Variants in UTRN observed in about 807,000 individuals in gnomAD.
The protein encoded by UTRN is dystrophin-related protein 1.
Under a neutral mutation model 463.9 loss-of-function variants are expected in UTRN, and 283 were observed. That is an observed-to-expected ratio of 0.61 (90% CI 0.55 to 0.67). The LOEUF is 0.67. UTRN is among the 30% of genes least tolerant of loss of function. UTRN has a pLI of 0.00. For synonymous variants in UTRN, 1,442 were observed against 1,431.5 expected (o/e 1.01, Z -0.17); for missense variants, 3,922 against 4,084.3 (o/e 0.96, Z 1.08).
intron 41 of UTRN, among the ~76,000 whole-genome samples, chr6:144,527,044 C>T (rs149019421): frequency 0.031 from 4,773 of 152,106 alleles, 97 homozygotes; most frequent in Non-Finnish European, 0.046. Flanking sequence ...AGGTGATCCA[C>T]CTGCCTCAGC....
intron 51 of UTRN, among the ~76,000 whole-genome samples, chr6:144,618,143 A>G (rs1420025845): frequency 6.6e-6 from 1 of 152,194 alleles, no homozygotes; most frequent in Non-Finnish European, 1.5e-5. Flanking sequence ...GAGACCATTC[A>G]GAGAAGCCAT....
Position 144,782,124 on chromosome 6 carries a change from G to A in UTRN, c.8834+1G>A, listed in dbSNP as rs1775885552. On this transcript the variant is annotated splice_donor_variant, in intron 61 of 74. Transcript: ENST00000367545. LOFTEE classifies it high-confidence loss of function. ...ATTGGTTGCTCAATGTCTATGACAC[G>A]TAAGTTTATATTTTTTCTCATTAAA... The A allele has an allele frequency of 1.9e-6, 3 of 1,577,268 alleles. No homozygotes were observed. The highest frequency in any genetic ancestry group is 2.6e-6 in the Non-Finnish European group (3 of 1,155,178).
At chr6:144,486,766 C>T (rs992904739) in intron 28 of UTRN, among the ~76,000 whole-genome samples, 10 of 152,262 alleles carry the variant, frequency 6.6e-5, no homozygotes, top group Middle Eastern at 6.8e-3. Context: ...GTGATCCACC[C>T]GCTTCGGCCT....
chr6:144,453,720 A>C, intron 18 of UTRN, 62 bp from the exon 19 acceptor site: 1 of 1,456,990 alleles, frequency 6.9e-7, no homozygotes, highest in Non-Finnish European at 9.4e-7. Flanking sequence ...AAACATTTAA[A>C]ACAGCAACAT....
At chr6:144,344,376 T>C in intron 2 of UTRN, 1 of 1,297,486 alleles carries the variant, frequency 7.7e-7, no homozygotes, top group Non-Finnish European at 1.0e-6. Flanking sequence ...GACAGGGTTC[T>C]TTCATTCAGT....
In UTRN at chr6:144,728,195, T is replaced by A. The variant is rs147424237; in HGVS notation, c.7810-2162T>A. ...TCTTGACCACTAAAATTAAAAAAAA[T>A]AATTTTGCTATATTACCTGCTGGTT... is the stretch of plus-strand genomic sequence containing the variant. On this transcript the variant is annotated intron_variant, in intron 53 of 74. Transcript: ENST00000367545. 5.8e-3 allele frequency among the ~76,000 whole-genome samples: 886 copies of A among 151,716 alleles called. 6 individuals are homozygous for A. The highest frequency in any genetic ancestry group is 0.02 in the African/African-American group (840 of 41,372).
intron 2 of UTRN, among the ~76,000 whole-genome samples, chr6:144,351,804 T>C (rs1184388676): frequency 2.0e-5 from 3 of 152,228 alleles, no homozygotes; most frequent in Non-Finnish European, 2.9e-5. Flanking sequence ...AAGGCTGGGC[T>C]GTGTGGCACT....
chr6:144,539,155 G>A, intron 44 of UTRN, 139 bp from the exon 45 acceptor site: 1 of 974,800 alleles, frequency 1.0e-6, no homozygotes, highest in Non-Finnish European at 1.4e-6. Context: ...ATGAGCTTAA[G>A]CTTCTTATAA....
chr6:144,667,024 T>TTCCTCCTCCTCC (rs58206153), intron 51 of UTRN, among the ~76,000 whole-genome samples: 1 of 151,276 alleles, frequency 6.6e-6, no homozygotes, highest in East Asian at 2.0e-4. Context: ...CTTCCTCTTC[T>TTCCTCCTCCTCC]TCCTCCTCCT....
At chr6:144,401,623 A>AGT (rs1410608524) in intron 2 of UTRN, among the ~76,000 whole-genome samples, 1 of 151,964 alleles carries the variant, frequency 6.6e-6, no homozygotes, top group East Asian at 1.9e-4. Flanking sequence ...TTGCTCCCTT[A>AGT]GTGTCTTGGA....
intron 52 of UTRN, among the ~76,000 whole-genome samples, chr6:144,681,529 A>T (rs1782193369): frequency 6.6e-6 from 1 of 152,074 alleles, no homozygotes. Context: ...GTCCAGGAGC[A>T]ATTAGAAGGG....
intron 73 of UTRN, among the ~76,000 whole-genome samples, chr6:144,842,508 G>C (rs906460092): frequency 2.6e-5 from 4 of 152,152 alleles, no homozygotes; most frequent in Non-Finnish European, 5.9e-5. Context: ...AGAATCGCTT[G>C]AACCTGGGAG....
At chr6:144,493,489 GTCTCTC>G (rs57311494) in intron 33 of UTRN, 33 bp downstream of exon 33, 87 of 1,511,068 alleles carry the variant, frequency 5.8e-5, no homozygotes, top group Non-Finnish European at 7.5e-5. Flanking sequence ...TCATCTCTCT[GTCTCTC>G]TCTCTCTCTC....
rs576823133 is a variant in UTRN at position 144,748,385 on chromosome 6, C to G, written c.8079C>G (p.Leu2693=). The stretch of plus-strand genomic sequence containing the variant: ...AAGTGGACAAGGCATTGGAGAAACT[C>G]AGAGACCTGCAGGGAGCTATGGATG... The part of the protein sequence containing the change: ...QKQVDKALEK[L]RDLQGAMDDL... The change falls in exon 55 of 75, where the codon CTC becomes CTG. Residue 2693 remains leucine, a synonymous_variant. Coordinates refer to ENST00000367545, the MANE Select transcript of UTRN (RefSeq NM_007124.3). The G allele has an allele frequency of 8.1e-6, 13 of 1,613,828 alleles. No individual in the cohort carries two copies. The South Asian group carries it at 1.4e-4, about 18-fold the overall frequency.
chr6:144,538,402 GC>G (rs1379331820), intron 44 of UTRN, among the ~76,000 whole-genome samples: 1 of 152,010 alleles, frequency 6.6e-6, no homozygotes, highest in African/African-American at 2.4e-5. Context: ...GGGTGTGGTG[GC>G]TCACGCCTGT....
intron 61 of UTRN, among the ~76,000 whole-genome samples, chr6:144,784,904 C>A (rs528246504): frequency 6.6e-6 from 1 of 152,322 alleles, no homozygotes; most frequent in East Asian, 1.9e-4. Flanking sequence ...ATGGCAAAGA[C>A]CATGCTGGAT....
At chr6:144,798,588 C>T (rs1277320725) in intron 64 of UTRN, among the ~76,000 whole-genome samples, 4 of 152,160 alleles carry the variant, frequency 2.6e-5, no homozygotes, top group Admixed American at 6.5e-5. Flanking sequence ...CATCCTGATC[C>T]ACTCCTCTTA....
chr6:144,678,113 C>T (rs1456338835), intron 51 of UTRN, among the ~76,000 whole-genome samples: 1 of 152,018 alleles, frequency 6.6e-6, no homozygotes, highest in Non-Finnish European at 1.5e-5. Context: ...AGTGCTATTC[C>T]CATCAAGCTA....
At chr6:144,652,160 T>C (rs1778886666) in intron 51 of UTRN, among the ~76,000 whole-genome samples, 1 of 152,204 alleles carries the variant, frequency 6.6e-6, no homozygotes, top group Admixed American at 6.5e-5. Context: ...CAAAGTCCCT[T>C]CTACTGTGGC....
Sources: allele counts gnomAD v4.1 joint callset (sites outside exome capture counted in the v4.1 genomes callset), GRCh38; gene constraint gnomAD v4.1.1; transcripts MANE v1.5; gene names NCBI Gene and HGNC (gene_info 2026-07-23, HGNC 2026-07-21).